KIF13B: variants seen among roughly 807,000 people sequenced by gnomAD.
KIF13B encodes the protein kinesin family member 13B.
A neutral mutation model predicts 222.0 loss-of-function variants in KIF13B; 127 were observed. The observed-to-expected ratio is 0.57, with a 90% CI of 0.50 to 0.66. The LOEUF is 0.66. Ranked by LOEUF, KIF13B falls within the 30% of genes least tolerant of loss-of-function variation. The pLI, the probability that KIF13B is intolerant of heterozygous loss-of-function variation, is 0.00. For synonymous variants in KIF13B, 976 were observed against 919.0 expected (o/e 1.06, Z -1.12); for missense variants, 2,173 against 2,379.0 (o/e 0.91, Z 1.80).
In KIF13B at chr8:29,099,161, A is replaced by G. The variant is rs370919995; in HGVS notation, c.4296T>C (p.Ser1432=). ...GIAPAPALSV[S]PQNNHSPDPG... is the part of the protein sequence containing the mutation. Reference sequence around the variant, plus strand: ...GATCTGGAGAATGGTTATTTTGGGGAGAAACAGAGAGGGCGGGGGCAGGAG... The same window carrying G: ...GATCTGGAGAATGGTTATTTTGGGGGGAAACAGAGAGGGCGGGGGCAGGAG... Residue 1432 remains serine (S), a synonymous_variant, in exon 36 of 40, where the codon TCT becomes TCC. Transcript: ENST00000524189. 10 of 1,613,508 alleles carry G rather than the reference A, an allele frequency of 6.2e-6. No homozygotes were observed. The Admixed American group carries it at 8.3e-5, about 13-fold the overall frequency.
intron 1 of KIF13B, among the ~76,000 whole-genome samples, chr8:29,249,394 C>G (rs1816180170): frequency 6.8e-6 from 1 of 146,670 alleles, no homozygotes; most frequent in African/African-American, 2.5e-5. Context: ...CACGCCACTG[C>G]ACTCCAGCCT....
In KIF13B at chr8:29,228,475, A is replaced by G. The variant is rs939224431; in HGVS notation, c.149+16871T>C. On this transcript the variant is annotated intron_variant, in intron 2 of 39. Coordinates refer to ENST00000524189, the MANE Select transcript of KIF13B (RefSeq NM_015254.4). ...GAGCCAGACTCCATCTTAAAAAAAT[A>G]TATATATATATATATGAGATACAGG... Among the ~76,000 whole-genome samples, 51 of 143,838 alleles carry G rather than the reference A, an allele frequency of 3.5e-4. 3 individuals are homozygous for G. The highest frequency in any genetic ancestry group is 1.2e-3 in the African/African-American group (49 of 39,766). 94.4% of individuals were successfully genotyped at this position (143,838 alleles called of 152,430 possible). A position where few individuals can be genotyped will look rare whatever the true frequency, so the allele number is the denominator to read the frequency against.
chr8:29,126,895 G>C (rs992211252), intron 25 of KIF13B, among the ~76,000 whole-genome samples: 1 of 152,114 alleles, frequency 6.6e-6, no homozygotes, highest in Non-Finnish European at 1.5e-5. Flanking sequence ...ATCTATGAAG[G>C]CTGAGACGTT....
intron 35 of KIF13B, among the ~76,000 whole-genome samples, chr8:29,105,418 CA>C (rs1320324909): frequency 6.6e-6 from 1 of 152,120 alleles, no homozygotes; most frequent in Non-Finnish European, 1.5e-5. Flanking sequence ...TGTCATCCTT[CA>C]GGGGGAGGCT....
At chr8:29,165,224 T>C (rs1164137664) in intron 12 of KIF13B, among the ~76,000 whole-genome samples, 2 of 152,204 alleles carry the variant, frequency 1.3e-5, no homozygotes, top group African/African-American at 4.8e-5. Flanking sequence ...AGGAATTTCA[T>C]CTTACTTTCA....
At chr8:29,243,345 T>A (rs1161428952) in intron 2 of KIF13B, among the ~76,000 whole-genome samples, 1 of 125,232 alleles carries the variant, frequency 8.0e-6, no homozygotes, top group African/African-American at 3.2e-5. Context: ...CAAGACCCAG[T>A]CTCAAAAAAA....
At chr8:29,207,690 C>CA (rs548045732) in intron 2 of KIF13B, among the ~76,000 whole-genome samples, 245 of 137,220 alleles carry the variant, frequency 1.8e-3, no homozygotes, top group South Asian at 4.7e-3. Flanking sequence ...GAATCAAAAG[C>CA]AAAAAAAAAA....
rs1434036609 is a variant in KIF13B, at chr8:29,068,025, G to A, written c.*2479C>T. The A allele has an allele frequency of 1.3e-5, 2 of 152,282 alleles. No homozygotes were observed. The highest frequency in any genetic ancestry group is 4.8e-5 in the African/African-American group (2 of 41,436). 9.4% of individuals were successfully genotyped at this position (152,282 alleles called of 1,614,324 possible). A position where few individuals can be genotyped will look rare whatever the true frequency, so the allele number is the denominator to read the frequency against. On this transcript the variant is annotated 3_prime_UTR_variant, in exon 40 of 40. Transcript: ENST00000524189. This position sits in a 1 kb window ranked among gnomAD's most constrained non-coding sequence, Gnocchi z 4.4. ...CATAAGGGCCCGAGGGAAGTGGCGGGGTGGGGCCAGGGATGTTCTGGGCAC... is the reference window on the plus strand; with the variant it reads ...CATAAGGGCCCGAGGGAAGTGGCGGAGTGGGGCCAGGGATGTTCTGGGCAC...
rs552799742 is a variant in KIF13B, at chr8:29,069,621, A to C, written c.*883T>G. ...TCCTCTGCCGTCCCCAGGACCCTCC[A>C]CCTGGGCAGGAGGCCAGCAGCTCTG... is the stretch of plus-strand genomic sequence containing the variant. On this transcript the variant is annotated 3_prime_UTR_variant, in exon 40 of 40. Transcript: ENST00000524189. 4 of 152,410 alleles carry C rather than the reference A, an allele frequency of 2.6e-5. No individual in the cohort carries two copies. The highest frequency in any genetic ancestry group is 2.6e-4 in the Admixed American group (4 of 15,310). The allele number at this position is 152,410 out of a possible 1,614,324, so 9.4% of individuals were successfully genotyped here. A position where few individuals can be genotyped will look rare whatever the true frequency, so the allele number is the denominator to read the frequency against.
At chr8:29,207,277 G>T (rs888358260) in intron 2 of KIF13B, among the ~76,000 whole-genome samples, 2 of 152,162 alleles carry the variant, frequency 1.3e-5, no homozygotes, top group African/African-American at 4.8e-5. Context: ...TTACCAGGGT[G>T]CCTTTCCCAT....
At chr8:29,076,157 T>A (rs959124824) in intron 37 of KIF13B, among the ~76,000 whole-genome samples, 3 of 152,052 alleles carry the variant, frequency 2.0e-5, no homozygotes, top group Non-Finnish European at 2.9e-5. Flanking sequence ...TGCTGCGGAG[T>A]GGCTGTGGGA....
At chr8:29,120,247 T>C (rs1456096950) in intron 29 of KIF13B, among the ~76,000 whole-genome samples, 3 of 126,314 alleles carry the variant, frequency 2.4e-5, no homozygotes, top group African/African-American at 9.0e-5. Context: ...GTTACATATG[T>C]ATACATGTGC....
intron 1 of KIF13B, among the ~76,000 whole-genome samples, chr8:29,246,682 C>G (rs1313903758): frequency 6.6e-6 from 1 of 152,020 alleles, no homozygotes; most frequent in African/African-American, 2.4e-5. Context: ...GGGCACTCAC[C>G]CTCCAATTTC....
intron 38 of KIF13B, among the ~76,000 whole-genome samples, chr8:29,073,060 C>T (rs1188311372): frequency 8.3e-6 from 1 of 120,930 alleles, no homozygotes; most frequent in African/African-American, 2.9e-5. Context: ...AGCAAGGCAG[C>T]AGGGGGACGA....
intron 17 of KIF13B, among the ~76,000 whole-genome samples, 161 bp downstream of exon 17, chr8:29,147,231 T>C (rs1013177583): frequency 2.6e-5 from 4 of 152,260 alleles, no homozygotes; most frequent in Admixed American, 2.6e-4. Context: ...AATTCCCCTT[T>C]TAAAAACAAA....
chr8:29,108,313 T>G, intron 34 of KIF13B, 121 bp from the exon 35 acceptor site: 1 of 827,108 alleles, frequency 1.2e-6, no homozygotes, highest in Non-Finnish European at 2.0e-6. Context: ...AGCAGAGAGG[T>G]TGTCATGACG....
At chr8:29,081,052 G>GTTTCCCACTGCAGC (rs1807787043) in intron 37 of KIF13B, among the ~76,000 whole-genome samples, 1 of 152,204 alleles carries the variant, frequency 6.6e-6, no homozygotes. Flanking sequence ...AGCAGACAGG[G>GTTTCCCACTGCAGC]AAACGCTGGC....
Position 29,186,484 on chromosome 8 carries a change from G to A in KIF13B, c.317-12C>T, listed in dbSNP as rs944730129. 1.3e-6 allele frequency: 2 copies of A among 1,595,194 alleles called. No homozygotes were observed. ...AGATTTTCCAGAGCCTAAAAAAATG[G>A]AAATCAGAGTTACTATTGTCTCTTT... On this transcript the variant is annotated splice_polypyrimidine_tract_variant and intron_variant, in intron 5 of 39. Transcript: ENST00000524189.
chr8:29,259,041 G>A (rs1816588717), intron 1 of KIF13B, among the ~76,000 whole-genome samples: 1 of 152,066 alleles, frequency 6.6e-6, no homozygotes, highest in Non-Finnish European at 1.5e-5. Flanking sequence ...GCCCATTCCT[G>A]TATACATTTT....
Sources: allele counts gnomAD v4.1 joint callset (sites outside exome capture counted in the v4.1 genomes callset), GRCh38; gene constraint gnomAD v4.1.1; non-coding constraint Gnocchi (gnomAD v3.1); transcripts MANE v1.5; gene names NCBI Gene and HGNC (gene_info 2026-07-23, HGNC 2026-07-21).